Variants in ABCA9 observed in about 807,000 individuals in gnomAD.
ABCA9 encodes the protein ATP-binding cassette sub-family A member 9.
Under a neutral mutation model 205.3 loss-of-function variants are expected in ABCA9, and 183 were observed. That is an observed-to-expected ratio of 0.89 (90% confidence interval 0.79 to 1.01). The LOEUF is 1.01. Ranked by LOEUF, ABCA9 falls within the 50% of genes least tolerant of loss-of-function variation. The probability of loss-of-function intolerance (pLI) is 0.00; values close to 1 mark genes in which losing one functional copy is unlikely to be tolerated. For missense variants in ABCA9, 1,805 were observed against 1,912.4 expected, an observed-to-expected ratio of 0.94 and a Z score of 1.05; for synonymous variants, 651 against 683.3, an observed-to-expected ratio of 0.95 and a Z score of 0.74.
rs768724337 is a variant in ABCA9, at chr17:69,051,130, G to T, written c.-4C>A. On this transcript the variant is annotated 5_prime_UTR_variant, in exon 2 of 39. Coordinates refer to ENST00000340001, the MANE Select transcript of ABCA9 (RefSeq NM_080283.4). ...CGCTCATGCGTCTCTTGCTCATTTT[G>T]ACCTGTTTCCTTTAAAAAGACAGAA... 5 of 1,612,958 alleles carry T rather than the reference G, an allele frequency of 3.1e-6. No individual in the cohort carries two copies. In the South Asian group the frequency reaches 4.4e-5, roughly 14 times the overall value.
intron 37 of ABCA9, among the ~76,000 whole-genome samples, chr17:68,977,174 G>A (rs2068912448): frequency 6.6e-6 from 1 of 152,162 alleles, no homozygotes; most frequent in Non-Finnish European, 1.5e-5. Context: ...GGGGTTTCAA[G>A]GAAGGGACTC....
intron 37 of ABCA9, among the ~76,000 whole-genome samples, chr17:68,981,426 A>G (rs73365983): frequency 0.014 from 2,111 of 152,182 alleles, 46 homozygotes; most frequent in African/African-American, 0.046. Flanking sequence ...CTCCTAATCC[A>G]TTATAAAATA....
Position 69,049,282 on chromosome 17 carries a change from C to G in ABCA9, c.304+1G>C. On this transcript the variant is annotated splice_donor_variant, in intron 3 of 38. Transcript: ENST00000340001. LOFTEE classifies it high-confidence loss of function. The stretch of plus-strand genomic sequence containing the variant: ...TTACTATGAACAACCAGGGAACATA[C>G]CTTTTAGGAATGGGGCTGAAGCCAC... The G allele has an allele frequency of 6.2e-7, 1 of 1,608,006 alleles. No homozygotes were observed. Among genetic ancestry groups the G allele is most frequent in the Non-Finnish European group, 8.5e-7 (1 of 1,176,030 alleles).
At chr17:68,997,732 C>T (rs139016541) in intron 25 of ABCA9, among the ~76,000 whole-genome samples, 6 of 152,012 alleles carry the variant, frequency 3.9e-5, no homozygotes, top group East Asian at 1.9e-4. Flanking sequence ...GCACAGCCTC[C>T]GCCATTATTA....
chr17:69,008,413 A>G (rs2144182961), intron 23 of ABCA9, among the ~76,000 whole-genome samples, 178 bp from the exon 24 acceptor site: 1 of 152,366 alleles, frequency 6.6e-6, no homozygotes, highest in South Asian at 2.1e-4. Context: ...TAATGCTGCA[A>G]GCCACGTCAT....
chr17:69,000,228 T>C (rs1356316860), intron 25 of ABCA9, among the ~76,000 whole-genome samples: 1 of 151,988 alleles, frequency 6.6e-6, no homozygotes, highest in Non-Finnish European at 1.5e-5. Context: ...TGGTAATGCC[T>C]AGGTTTTCTT....
Position 68,986,270 on chromosome 17 carries a change from G to C in ABCA9, c.4102C>G (p.Pro1368Ala). ...GEPLGFLGYCPQENALWPNLT... is the reference protein window; with the variant it reads ...GEPLGFLGYCAQENALWPNLT... Reference sequence around the variant, plus strand: ...TTGGGCCACAGCGCATTCTCCTGAGGGCAGTACCCCAGGAAGCCCAGGGGT... The same window carrying C: ...TTGGGCCACAGCGCATTCTCCTGAGCGCAGTACCCCAGGAAGCCCAGGGGT... Residue 1368 changes from proline (P) to alanine (A), a missense_variant, in exon 32 of 39, where the codon CCT (proline) becomes GCT (alanine). Coordinates refer to ENST00000340001, the MANE Select transcript of ABCA9 (RefSeq NM_080283.4). 2 of 1,613,808 alleles carry C rather than the reference G, an allele frequency of 1.2e-6. No homozygotes were observed. Among genetic ancestry groups the C allele is most frequent in the Non-Finnish European group, 1.7e-6 (2 of 1,179,842 alleles).
At chr17:69,033,698 G>A in intron 9 of ABCA9, 28 bp downstream of exon 9, 1 of 1,551,424 alleles carries the variant, frequency 6.4e-7, no homozygotes, top group Middle Eastern at 1.7e-4. Context: ...TTGAAATTGT[G>A]TTAAATTACA....
chr17:68,991,034 C>T (rs553402650), intron 28 of ABCA9, 77 bp from the exon 29 acceptor site: 11 of 1,515,242 alleles, frequency 7.3e-6, no homozygotes, highest in East Asian at 6.9e-5. Flanking sequence ...TTTCTCTATA[C>T]TTCCAATTTT....
intron 1 of ABCA9, among the ~76,000 whole-genome samples, chr17:69,057,536 A>T (rs2072104610): frequency 6.8e-6 from 1 of 147,486 alleles, no homozygotes; most frequent in East Asian, 1.9e-4. Context: ...TATAGGCTTT[A>T]GGAAGTCTTT....
At position 68,982,648 on chromosome 17, in the gene ABCA9, A is replaced by C. The variant is rs752815232; in HGVS notation, c.4641-7T>G. ...GACCATCAGGGAGGAGAACCTGCGA[A>C]GAGAAGACAGTGAGGCTGAACTCCA... On this transcript the variant is annotated splice_region_variant and splice_polypyrimidine_tract_variant and intron_variant, in intron 36 of 38. Transcript: ENST00000340001. The C allele has an allele frequency of 3.2e-5, 52 of 1,612,414 alleles. No homozygotes were observed. The highest frequency in any genetic ancestry group is 4.0e-5 in the Non-Finnish European group (47 of 1,178,608).
chr17:69,048,069 C>T (rs1385709756), intron 3 of ABCA9, among the ~76,000 whole-genome samples: 1 of 152,078 alleles, frequency 6.6e-6, no homozygotes, highest in East Asian at 1.9e-4. Flanking sequence ...GGGGGAAAAC[C>T]CCTTATAAAA....
At chr17:68,983,390 G>T (rs1257459991) in intron 36 of ABCA9, among the ~76,000 whole-genome samples, 62 of 152,142 alleles carry the variant, frequency 4.1e-4, no homozygotes, top group Admixed American at 3.9e-3. Context: ...CTTTATGCAG[G>T]TGATTTCCTT....
intron 4 of ABCA9, 127 bp downstream of exon 4, chr17:69,045,045 T>C (rs1412409394): frequency 4.4e-6 from 3 of 677,564 alleles, no homozygotes; most frequent in Non-Finnish European, 7.0e-6. Context: ...CTCCTTTATG[T>C]TCAGAAATTA....
At chr17:69,001,366 T>G (rs2069860760) in intron 25 of ABCA9, among the ~76,000 whole-genome samples, 1 of 151,984 alleles carries the variant, frequency 6.6e-6, no homozygotes, top group South Asian at 2.1e-4. Context: ...CTGCATCTAT[T>G]GAGATAATCA....
Position 68,986,157 on chromosome 17 carries a change from C to T in ABCA9, c.4208+7G>A. On this transcript the variant is annotated splice_region_variant and intron_variant, in intron 32 of 38. Transcript: ENST00000340001. ...AGCAAAGGGGAGTGCCCCCCAGTCC[C>T]AGGTACCGTGTGATGGCGATCATTG... is the stretch of plus-strand genomic sequence containing the variant. The T allele has an allele frequency of 6.2e-7, 1 of 1,602,542 alleles. No individual in the cohort carries two copies. Among genetic ancestry groups the T allele is most frequent in the Non-Finnish European group, 8.5e-7 (1 of 1,174,312 alleles).
At chr17:69,040,820 T>C (rs2071509986) in intron 6 of ABCA9, among the ~76,000 whole-genome samples, 1 of 152,078 alleles carries the variant, frequency 6.6e-6, no homozygotes, top group Non-Finnish European at 1.5e-5. Flanking sequence ...TACACATTTA[T>C]ACATACCCAC....
In ABCA9 at chr17:69,007,828, T is replaced by C. The variant is rs762915776; in HGVS notation, c.3366A>G (p.Thr1122=). The C allele has an allele frequency of 1.2e-5, 20 of 1,611,638 alleles. No individual in the cohort carries two copies. The South Asian group carries it at 1.3e-4, about 11-fold the overall frequency. The change falls in exon 25 of 39, where the codon ACA becomes ACG. Residue 1122 remains threonine, a synonymous_variant. Coordinates refer to ENST00000340001, the MANE Select transcript of ABCA9 (RefSeq NM_080283.4). ...IGYVSSLVFL[T]YVISFIFRNG... ...TGCGAAAAATGAATGAAATCACATA[T>C]GTCAAGAAAACAAGAGATGAGACAT...
chr17:69,075,007 G>A, the ABCA9 span, among the ~76,000 whole-genome samples: 1 of 152,080 alleles, frequency 6.6e-6, no homozygotes, highest in Non-Finnish European at 1.5e-5. Flanking sequence ...TAGCAATGTT[G>A]AGCATTTTTT....
Sources: allele counts gnomAD v4.1 joint callset (sites outside exome capture counted in the v4.1 genomes callset), GRCh38; gene constraint gnomAD v4.1.1; transcripts MANE v1.5; gene names NCBI Gene and HGNC (gene_info 2026-07-23, HGNC 2026-07-21).